Variants in MKRN2OS observed in about 807,000 individuals in gnomAD.
The protein encoded by MKRN2OS is MKRN2 opposite strand, also known as MKRN2 opposite strand protein.
Under a neutral mutation model 18.2 loss-of-function variants are expected in MKRN2OS, and 17 were observed. The ratio of observed to expected loss-of-function variants is 0.93; its 90% CI spans 0.64 to 1.40. The LOEUF (loss-of-function observed/expected upper bound fraction) is 1.40. Ranked by LOEUF, MKRN2OS falls within the 40% of genes most tolerant of loss-of-function variation. The pLI, the probability that MKRN2OS is intolerant of heterozygous loss-of-function variation, is 0.00. For missense variants in MKRN2OS, 337 were observed against 283.0 expected (o/e 1.19, Z -1.37); for synonymous variants, 121 against 108.5 (o/e 1.12, Z -0.72).
At chr3:12,540,695 G>A (rs1219218634) in intron 3 of MKRN2OS, among the ~76,000 whole-genome samples, 2 of 151,994 alleles carry the variant, frequency 1.3e-5, no homozygotes, top group African/African-American at 4.8e-5. Flanking sequence ...CCAACATGGT[G>A]AAACCCCGTC....
exon 2 of MKRN2OS, chr3:12,553,922 G>A (rs905128481): frequency 6.6e-6 from 1 of 152,138 alleles, no homozygotes; most frequent in African/African-American, 2.4e-5. Context: ...ATCGAAAACC[G>A]CTTCTAGGGG....
intron 1 of MKRN2OS, chr3:12,560,635 G>A (rs1437918478): frequency 6.6e-6 from 1 of 152,278 alleles, no homozygotes; most frequent in African/African-American, 2.4e-5. Flanking sequence ...GCTGCTGGTG[G>A]TTCTGTGGCC....
chr3:12,548,311 G>A (rs942099256), upstream of MKRN2OS, among the ~76,000 whole-genome samples: 11 of 152,106 alleles, frequency 7.2e-5, no homozygotes, highest in African/African-American at 2.4e-4. Flanking sequence ...AGCCGGGCAC[G>A]GTGGCGGGTG....
intron 1 of MKRN2OS, among the ~76,000 whole-genome samples, chr3:12,555,311 C>CAAAAA (rs35617395): frequency 7.1e-5 from 7 of 98,298 alleles, no homozygotes; most frequent in South Asian, 4.4e-4. Context: ...GACTCCGTCT[C>CAAAAA]AAAAAAAAAA....
chr3:12,553,012 T>C (rs2057940844), downstream of MKRN2OS, among the ~76,000 whole-genome samples: 1 of 58,438 alleles, frequency 1.7e-5, no homozygotes, highest in South Asian at 7.7e-4. Flanking sequence ...TGAGACCCGG[T>C]CTCCAAAAAA....
intron 1 of MKRN2OS, among the ~76,000 whole-genome samples, chr3:12,555,100 A>T (rs2057957099): frequency 1.3e-5 from 2 of 152,228 alleles, no homozygotes; most frequent in South Asian, 4.1e-4. Context: ...GCCTGAGCTC[A>T]GAAGTTCGAG....
At chr3:12,548,934 TTTTTA>T (rs373644486), upstream of MKRN2OS, among the ~76,000 whole-genome samples, 79 of 152,206 alleles carry the variant, frequency 5.2e-4, no homozygotes, top group East Asian at 0.012. Flanking sequence ...GGCATTTTAT[TTTTTA>T]TTTTATTTTA....
At chr3:12,542,088 T>A (rs2057822822) in intron 2 of MKRN2OS, 66 bp from the exon 3 acceptor site, 2 of 1,456,096 alleles carry the variant, frequency 1.4e-6, no homozygotes, top group Non-Finnish European at 1.8e-6. Context: ...AAAAGAGACA[T>A]CAGAAAATGA....
chr3:12,545,184 T>C (rs1559381491), intron 1 of MKRN2OS, 63 bp downstream of exon 1: 5 of 1,311,194 alleles, frequency 3.8e-6, no homozygotes, highest in East Asian at 2.6e-5. Context: ...AAGGAAACTT[T>C]AGTGACTAAA....
At chr3:12,556,972 T>C (rs2057977156) in intron 1 of MKRN2OS, 1 of 586,010 alleles carries the variant, frequency 1.7e-6, no homozygotes, top group Non-Finnish European at 2.5e-6. Context: ...GCGGAACCAA[T>C]TGTGACGACG....
intron 1 of MKRN2OS, among the ~76,000 whole-genome samples, chr3:12,555,980 T>A (rs1460098182): frequency 6.8e-6 from 1 of 147,142 alleles, no homozygotes; most frequent in African/African-American, 2.5e-5. Flanking sequence ...AAACAAAAAA[T>A]TCTTTATTTT....
chr3:12,541,740 CT>C, intron 3 of MKRN2OS, 119 bp downstream of exon 3: 1 of 1,061,500 alleles, frequency 9.4e-7, no homozygotes, highest in Non-Finnish European at 1.3e-6. Flanking sequence ...GCTAATATGT[CT>C]GTATCGGCTC....
chr3:12,546,743 A>G (rs1044825991), upstream of MKRN2OS, among the ~76,000 whole-genome samples: 4 of 151,552 alleles, frequency 2.6e-5, no homozygotes, highest in Non-Finnish European at 5.9e-5. Flanking sequence ...ACACCCAGCT[A>G]ATTTTTGTAC....
In MKRN2OS at chr3:12,540,313, CG is replaced by C; in HGVS notation, c.551del (p.Pro184ArgfsTer72). The C allele has an allele frequency of 6.5e-7, 1 of 1,536,122 alleles. No individual in the cohort carries two copies. Among genetic ancestry groups the C allele is most frequent in the Non-Finnish European group, 8.7e-7 (1 of 1,146,912 alleles). On this transcript the variant is annotated frameshift_variant, in exon 4 of 4. Transcript: ENST00000564146. LOFTEE classifies it low-confidence loss of function (END_TRUNC). ...KGEFTEKYVVPRTRLASKFIT... is the reference protein window; with the variant it reads ...KGEFTEKYVVXRTRLASKFIT... The stretch of plus-strand genomic sequence containing the variant: ...TGAACTTGGATGCCAGCCTTGTCCG[CG>C]GGACCACGTACTTCTCCGTAAATTC...
chr3:12,552,351 T>A (rs2057935659), downstream of MKRN2OS, among the ~76,000 whole-genome samples: 1 of 151,358 alleles, frequency 6.6e-6, no homozygotes, highest in East Asian at 1.9e-4. Context: ...CATAAAACAA[T>A]GAAATCTGAA....
At chr3:12,542,076 GAA>G (rs1378734898) in intron 2 of MKRN2OS, 54 bp from the exon 3 acceptor site, 3 of 1,477,424 alleles carry the variant, frequency 2.0e-6, no homozygotes, top group Admixed American at 4.4e-5. Context: ...ACACCTCTGT[GAA>G]AAAGAGACAT....
downstream of MKRN2OS, among the ~76,000 whole-genome samples, chr3:12,552,031 CAAAG>C (rs893638096): frequency 6.7e-6 from 1 of 150,124 alleles, no homozygotes; most frequent in Non-Finnish European, 1.5e-5. Flanking sequence ...ATACAAAAAA[CAAAG>C]AAGGCTGGGC....
chr3:12,543,040 A>G (rs1010335073), intron 2 of MKRN2OS, 140 bp downstream of exon 2: 4 of 582,480 alleles, frequency 6.9e-6, no homozygotes, highest in Admixed American at 7.0e-5. Context: ...TTTGTGGGCA[A>G]TGCCTACCTC....
intron 3 of MKRN2OS, among the ~76,000 whole-genome samples, chr3:12,540,713 A>C (rs2057788448): frequency 6.6e-6 from 1 of 151,972 alleles, no homozygotes; most frequent in Admixed American, 6.6e-5. Context: ...GTCCCTACAA[A>C]AAATACAAGT....
Sources: gnomAD v4.1 joint callset for allele counts (sites outside exome capture counted in the v4.1 genomes callset) on GRCh38, gnomAD v4.1.1 for gene constraint, MANE v1.5 for transcripts, NCBI Gene and HGNC (gene_info 2026-07-23, HGNC 2026-07-21) for gene names.